Variants in ITGA11 observed in about 807,000 individuals in gnomAD.
ITGA11 encodes integrin subunit alpha 11.
Under a neutral mutation model 141.9 loss-of-function variants are expected in ITGA11, and 97 were observed. The observed-to-expected ratio is 0.68, with a 90% confidence interval of 0.58 to 0.81. The LOEUF (loss-of-function observed/expected upper bound fraction) is 0.81. Among genes scored for constraint, ITGA11 ranks in the 30% least tolerant of loss-of-function variants. The pLI is 0.00. For missense variants in ITGA11, 1,387 were observed against 1,559.2 expected, an observed-to-expected ratio of 0.89 and a Z score of 1.86; for synonymous variants, 658 against 624.6, an observed-to-expected ratio of 1.05 and a Z score of -0.80.
At chr15:68,336,131 T>C (rs1894348136) in intron 11 of ITGA11, 1 of 486,086 alleles carries the variant, frequency 2.1e-6, no homozygotes, top group East Asian at 3.7e-5. Flanking sequence ...AAAGACTAAC[T>C]TGAAATGCAC....
rs746723066 is a variant in ITGA11, at chr15:68,350,786, C to T, written c.895-4G>A. Reference sequence around the variant, plus strand: ...TGCGGTTGTAGTAGCCCAGGACCTGCCAGGGAACAGGGGCAGGAACCACAA... The same window carrying T: ...TGCGGTTGTAGTAGCCCAGGACCTGTCAGGGAACAGGGGCAGGAACCACAA... On this transcript the variant is annotated splice_polypyrimidine_tract_variant and splice_region_variant and intron_variant, in intron 8 of 29. Coordinates refer to ENST00000315757, the MANE Select transcript of ITGA11 (RefSeq NM_001004439.2). The T allele has an allele frequency of 1.2e-6, 2 of 1,610,104 alleles. No homozygotes were observed. The highest frequency in any genetic ancestry group is 3.3e-5 in the Admixed American group (2 of 59,730).
chr15:68,363,974 G>T (rs1895337417), intron 4 of ITGA11, among the ~76,000 whole-genome samples: 1 of 152,226 alleles, frequency 6.6e-6, no homozygotes, highest in South Asian at 2.1e-4. Flanking sequence ...CACAGTGTAA[G>T]CTCCAGCAGG....
chr15:68,302,947 A>G lies in ITGA11; in HGVS notation c.*112T>C. On this transcript the variant is annotated 3_prime_UTR_variant, in exon 30 of 30. Coordinates refer to ENST00000315757, the MANE Select transcript of ITGA11 (RefSeq NM_001004439.2). ...TTGCTCGGGAGATGAGGTCAAGTGC[A>G]AAGCCAGCTGGCTTCCTCTCCGCTC... is the stretch of plus-strand genomic sequence containing the variant. 2 of 831,382 alleles carry G rather than the reference A, an allele frequency of 2.4e-6. No individual in the cohort carries two copies. The highest frequency in any genetic ancestry group is 3.8e-6 in the Non-Finnish European group (2 of 527,754). The allele number at this position is 831,382 out of a possible 1,614,324, so 51.5% of individuals were successfully genotyped here.
At chr15:68,397,876 A>T (rs1053448241) in intron 2 of ITGA11, among the ~76,000 whole-genome samples, 14 of 147,690 alleles carry the variant, frequency 9.5e-5, no homozygotes, top group African/African-American at 3.5e-4. Flanking sequence ...AGAATCTTCA[A>T]CCCAGAATTT....
intron 5 of ITGA11, among the ~76,000 whole-genome samples, chr15:68,359,510 G>A (rs188845548): frequency 7.9e-5 from 12 of 152,210 alleles, no homozygotes; most frequent in South Asian, 2.1e-4. Flanking sequence ...GCCAGGAGTC[G>A]TGATGCACAC....
chr15:68,411,640 A>T (rs1896773323), intron 1 of ITGA11, among the ~76,000 whole-genome samples: 1 of 152,214 alleles, frequency 6.6e-6, no homozygotes, highest in Non-Finnish European at 1.5e-5. Flanking sequence ...TACAAAAACA[A>T]GTGGTCCTGC....
intron 2 of ITGA11, among the ~76,000 whole-genome samples, chr15:68,390,355 C>G (rs1278522479): frequency 6.6e-6 from 1 of 152,094 alleles, no homozygotes; most frequent in Non-Finnish European, 1.5e-5. Context: ...CTCACTGGTG[C>G]CTGAGGTGGG....
rs2140278999 is a variant in ITGA11 at position 68,315,650 on chromosome 15, C to T, written c.2792+1G>A. ...GGAGAAGGAGCAGGCACGGCCCTGA[C>T]CTGCCTGCAGCGAGCTCGATCTCCA... On this transcript the variant is annotated splice_donor_variant, in intron 22 of 29. Coordinates refer to ENST00000315757, the MANE Select transcript of ITGA11 (RefSeq NM_001004439.2). LOFTEE classifies it high-confidence loss of function. 2 of 1,612,808 alleles carry T rather than the reference C, an allele frequency of 1.2e-6. No homozygotes were observed. The highest frequency in any genetic ancestry group is 3.3e-5 in the Admixed American group (2 of 59,902).
At chr15:68,331,813 T>G in intron 14 of ITGA11, 46 bp downstream of exon 14, 1 of 1,516,522 alleles carries the variant, frequency 6.6e-7, no homozygotes, top group Non-Finnish European at 9.0e-7. Flanking sequence ...CTCCTGGGAC[T>G]CCTGCAGCCC....
intron 10 of ITGA11, 60 bp downstream of exon 10, chr15:68,348,770 G>T: frequency 2.1e-6 from 3 of 1,426,640 alleles, no homozygotes; most frequent in South Asian, 1.2e-5. Flanking sequence ...GCTAGAAAGG[G>T]GAAGAGCATG....
intron 1 of ITGA11, among the ~76,000 whole-genome samples, chr15:68,428,544 A>G (rs758451898): frequency 6.6e-6 from 1 of 152,084 alleles, no homozygotes; most frequent in Non-Finnish European, 1.5e-5. Context: ...TGTGATATGG[A>G]AAGATCCAGA....
At chr15:68,421,924 T>C (rs1897028374) in intron 1 of ITGA11, among the ~76,000 whole-genome samples, 1 of 152,196 alleles carries the variant, frequency 6.6e-6, no homozygotes, top group Non-Finnish European at 1.5e-5. Context: ...GCTGGTGCCT[T>C]TGCCCCTGGC....
At position 68,307,800 on chromosome 15, in the gene ITGA11, G is replaced by A; in HGVS notation, c.3175-104C>T. 1.4e-6 allele frequency: 1 copy of A among 709,084 alleles called. No individual in the cohort carries two copies. The highest frequency in any genetic ancestry group is 2.4e-6 in the Non-Finnish European group (1 of 416,724). 43.9% of individuals were successfully genotyped at this position (709,084 alleles called of 1,614,324 possible). A position where few individuals can be genotyped will look rare whatever the true frequency, so the allele number is the denominator to read the frequency against. ...GGCTCTGCTCCTGGGGGCAGGGGCA[G>A]AGGACAGGGGACAAAGAGAAAGTTG... On this transcript the variant is annotated intron_variant, in intron 26 of 29. Coordinates refer to ENST00000315757, the MANE Select transcript of ITGA11 (RefSeq NM_001004439.2). This position sits in a 1 kb window ranked among gnomAD's most constrained non-coding sequence, Gnocchi z 6.1.
At position 68,397,471 on chromosome 15, in the gene ITGA11, A is replaced by T. The variant is rs1345125143; in HGVS notation, c.164+5447T>A. 9.0e-5 allele frequency among the ~76,000 whole-genome samples: 9 copies of T among 99,646 alleles called. 1 individual carries two copies. Among genetic ancestry groups the T allele is most frequent in the African/African-American group, 3.8e-4 (9 of 23,696 alleles). 65.4% of individuals were successfully genotyped at this position (99,646 alleles called of 152,430 possible). A position where few individuals can be genotyped will look rare whatever the true frequency, so the allele number is the denominator to read the frequency against. ...TAAAATATAAAATTATTAATATTTT[A>T]AAAATATTATAAAATATTTTAAAAT... On this transcript the variant is annotated intron_variant, in intron 2 of 29. Coordinates refer to ENST00000315757, the MANE Select transcript of ITGA11 (RefSeq NM_001004439.2).
intron 1 of ITGA11, among the ~76,000 whole-genome samples, chr15:68,412,977 A>G (rs1896810399): frequency 2.0e-5 from 3 of 152,186 alleles, no homozygotes; most frequent in Admixed American, 2.0e-4. Context: ...GCACCCAGCC[A>G]GGACTTTATC....
intron 2 of ITGA11, among the ~76,000 whole-genome samples, chr15:68,398,751 ATAAC>A (rs1019948511): frequency 1.7e-4 from 25 of 147,958 alleles, no homozygotes; most frequent in African/African-American, 5.6e-4. Flanking sequence ...AACTGTAAAT[ATAAC>A]TATATTCATA....
Position 68,313,862 on chromosome 15 carries a change from A to G in ITGA11, c.2799T>C (p.Ser933=). The change falls in exon 23 of 30, where the codon AGT becomes AGC. Residue 933 remains serine (S), a synonymous_variant. Transcript: ENST00000315757. Reference sequence around the variant, plus strand: ...CTTCCTTGGTGCTGTCCCGCTCATTACTGTCACTGCAAGGAGAGCCAGGCG... The same window carrying G: ...CTTCCTTGGTGCTGTCCCGCTCATTGCTGTCACTGCAAGGAGAGCCAGGCG... ...LEIELAAGSD[S]NERDSTKEDN... The G allele has an allele frequency of 6.2e-7, 1 of 1,613,774 alleles. No individual in the cohort carries two copies. Among genetic ancestry groups the G allele is most frequent in the Non-Finnish European group, 8.5e-7 (1 of 1,179,702 alleles).
chr15:68,421,475 C>T (rs1897015321), intron 1 of ITGA11, among the ~76,000 whole-genome samples: 1 of 152,120 alleles, frequency 6.6e-6, no homozygotes, highest in Non-Finnish European at 1.5e-5. Flanking sequence ...ATGATGTGAC[C>T]TACATTCTGG....
At chr15:68,407,959 C>A (rs955171199) in intron 1 of ITGA11, among the ~76,000 whole-genome samples, 1 of 152,232 alleles carries the variant, frequency 6.6e-6, no homozygotes, top group African/African-American at 2.4e-5. Context: ...GCTTAAGGAG[C>A]GTCTGCTGTG....
Sources: allele counts gnomAD v4.1 joint callset (sites outside exome capture counted in the v4.1 genomes callset), GRCh38; gene constraint gnomAD v4.1.1; non-coding constraint Gnocchi (gnomAD v3.1); transcripts MANE v1.5; gene names NCBI Gene and HGNC (gene_info 2026-07-23, HGNC 2026-07-21).